TBC1D14: variants seen among roughly 807,000 people sequenced by gnomAD.
TBC1D14 encodes TBC1 domain family member 14.
TBC1D14 carries 26 observed loss-of-function variants against 79.0 expected under a neutral mutation model. That is an observed-to-expected ratio of 0.33 (90% CI 0.24 to 0.46). The LOEUF is 0.46. TBC1D14 is among the 20% of genes least tolerant of loss of function. The pLI, the probability that TBC1D14 is intolerant of heterozygous loss-of-function variation, is 1.00. For synonymous variants in TBC1D14, 394 were observed against 349.9 expected (o/e 1.13, Z -1.40); for missense variants, 769 against 887.6 (o/e 0.87, Z 1.70).
At chr4:7,016,909 G>A (rs147704449) in intron 12 of TBC1D14, among the ~76,000 whole-genome samples, 279 of 152,302 alleles carry the variant, frequency 1.8e-3, no homozygotes, top group Non-Finnish European at 3.3e-3. Context: ...AAAGGCACCA[G>A]CGTTTTTTGA....
chr4:7,011,787 A>T (rs1023412846), intron 11 of TBC1D14, among the ~76,000 whole-genome samples: 3 of 151,428 alleles, frequency 2.0e-5, no homozygotes, highest in Admixed American at 2.0e-4. Flanking sequence ...TGAACTCCTG[A>T]CCTCAAGTGA....
At chr4:6,958,414 A>G (rs916687713) in intron 2 of TBC1D14, among the ~76,000 whole-genome samples, 1 of 96,694 alleles carries the variant, frequency 1.0e-5, no homozygotes, top group African/African-American at 5.0e-5. Context: ...GATATTACTG[A>G]ACAATCTTTT....
At chr4:7,023,303 C>T (rs972344344) in intron 12 of TBC1D14, among the ~76,000 whole-genome samples, 1 of 152,164 alleles carries the variant, frequency 6.6e-6, no homozygotes, top group Non-Finnish European at 1.5e-5. Flanking sequence ...TTTCCCCATC[C>T]GTTTTTTTCT....
At chr4:6,945,577 C>T (rs1242837167) in intron 2 of TBC1D14, among the ~76,000 whole-genome samples, 4 of 151,764 alleles carry the variant, frequency 2.6e-5, no homozygotes, top group African/African-American at 4.8e-5. Flanking sequence ...GGAGAAACCC[C>T]GTCTCTACTA....
chr4:6,945,749 C>CAAAAAAAAAAAAAAAAAAAA (rs71173472), intron 2 of TBC1D14, among the ~76,000 whole-genome samples: 2 of 64,134 alleles, frequency 3.1e-5, no homozygotes, highest in African/African-American at 1.3e-4. Context: ...AACTGCGTCT[C>CAAAAAAAAAAAAAAAAAAAA]AAAAAAAAAA....
At chr4:6,998,375 A>C (rs957560284) in intron 5 of TBC1D14, among the ~76,000 whole-genome samples, 3 of 150,888 alleles carry the variant, frequency 2.0e-5, no homozygotes, top group African/African-American at 7.3e-5. Context: ...AAAAAAAAAA[A>C]GCAGTGCTCG....
chr4:7,025,835 C>T (rs1722315736), intron 13 of TBC1D14, among the ~76,000 whole-genome samples: 1 of 152,216 alleles, frequency 6.6e-6, no homozygotes. Context: ...CCTTGGTTTC[C>T]CTCCAGGCAT....
chr4:6,925,289 A>AG (rs1408857493), intron 2 of TBC1D14, among the ~76,000 whole-genome samples: 2 of 152,188 alleles, frequency 1.3e-5, no homozygotes, highest in Admixed American at 1.3e-4. Context: ...AAACAAAAAA[A>AG]GAATCGTGAT....
At chr4:7,027,799 C>T (rs1357391128) in intron 13 of TBC1D14, among the ~76,000 whole-genome samples, 1 of 146,568 alleles carries the variant, frequency 6.8e-6, no homozygotes, top group South Asian at 2.2e-4. Flanking sequence ...TCACCCCCTA[C>T]ACATATCACA....
intron 5 of TBC1D14, 75 bp downstream of exon 5, chr4:6,996,482 C>A: frequency 8.7e-7 from 1 of 1,144,930 alleles, no homozygotes; most frequent in Non-Finnish European, 1.3e-6. Context: ...TTCTTTTTAC[C>A]ATTTGGAGTC....
intron 8 of TBC1D14, among the ~76,000 whole-genome samples, 181 bp from the exon 9 acceptor site, chr4:7,006,451 C>T (rs765495771): frequency 6.6e-6 from 1 of 152,210 alleles, no homozygotes; most frequent in African/African-American, 2.4e-5. Context: ...ATTTTGTTCT[C>T]TAAGAAACCC....
At chr4:6,942,870 C>A (rs1202835877) in intron 2 of TBC1D14, among the ~76,000 whole-genome samples, 1 of 152,082 alleles carries the variant, frequency 6.6e-6, no homozygotes, top group Non-Finnish European at 1.5e-5. Context: ...AGATTTTATC[C>A]CTTTTAGAGG....
chr4:6,946,723 A>G (rs1187106072), intron 2 of TBC1D14, among the ~76,000 whole-genome samples: 2 of 152,154 alleles, frequency 1.3e-5, no homozygotes, highest in Non-Finnish European at 2.9e-5. Context: ...GAGGCTAGAG[A>G]GGTTCATTTC....
Position 7,011,825 on chromosome 4 carries a change from T to C in TBC1D14, c.1647+1044T>C, listed in dbSNP as rs189399421. Among the ~76,000 whole-genome samples the C allele has an allele frequency of 4.5e-4, 68 of 151,784 alleles. No homozygotes were observed. In the East Asian group the frequency reaches 0.013, roughly 30 times the overall value. ...CACCTGCCTCGGCCTCCCAAATTGC[T>C]GGGATTACAGGCGTGAGCCACTGTG... On this transcript the variant is annotated intron_variant, in intron 11 of 13. Transcript: ENST00000409757.
intron 1 of TBC1D14, among the ~76,000 whole-genome samples, chr4:6,921,301 C>T (rs994096408): frequency 2.0e-4 from 30 of 151,360 alleles, no homozygotes; most frequent in African/African-American, 5.1e-4. Context: ...ACCTCCTGGG[C>T]GGGCTCAAGT....
intron 9 of TBC1D14, among the ~76,000 whole-genome samples, chr4:7,009,569 G>A (rs921929562): frequency 2.0e-5 from 3 of 152,172 alleles, no homozygotes; most frequent in African/African-American, 7.2e-5. Context: ...CTCCTGGTGG[G>A]CTTTGAAAGG....
intron 2 of TBC1D14, among the ~76,000 whole-genome samples, chr4:6,935,467 C>G (rs1272094934): frequency 1.3e-5 from 2 of 152,022 alleles, no homozygotes; most frequent in Non-Finnish European, 2.9e-5. Flanking sequence ...GGATGGGGCA[C>G]AGGTAGATGG....
intron 7 of TBC1D14, among the ~76,000 whole-genome samples, chr4:7,001,976 G>A (rs1719720260): frequency 6.6e-6 from 1 of 152,202 alleles, no homozygotes; most frequent in South Asian, 2.1e-4. Context: ...CTTGGGCCTA[G>A]GACCTGCTGG....
At chr4:6,958,947 G>GA (rs1342406619) in intron 2 of TBC1D14, among the ~76,000 whole-genome samples, 2 of 151,794 alleles carry the variant, frequency 1.3e-5, no homozygotes, top group Non-Finnish European at 2.9e-5. Flanking sequence ...GCAGTGGTGG[G>GA]ATCTCGGCTC....
Sources: gnomAD v4.1 joint callset for allele counts (sites outside exome capture counted in the v4.1 genomes callset) on GRCh38, gnomAD v4.1.1 for gene constraint, MANE v1.5 for transcripts, NCBI Gene and HGNC (gene_info 2026-07-23, HGNC 2026-07-21) for gene names.